Variants in SGMS1 observed in about 807,000 individuals in gnomAD.
The protein encoded by SGMS1 is phosphatidylcholine:ceramide cholinephosphotransferase 1.
SGMS1 carries 13 observed loss-of-function variants against 46.2 expected under a neutral mutation model. The ratio of observed to expected loss-of-function variants is 0.28; its 90% confidence interval spans 0.18 to 0.45. The LOEUF is 0.45. Among genes scored for constraint, SGMS1 ranks in the 20% least tolerant of loss-of-function variants. The probability of loss-of-function intolerance (pLI) is 1.00; values close to 1 mark genes in which losing one functional copy is unlikely to be tolerated. For missense variants in SGMS1, 324 were observed against 519.9 expected (o/e 0.62, Z 3.66); for synonymous variants, 203 against 187.8 (o/e 1.08, Z -0.66).
At chr10:50,469,539 C>A (rs1837360359) in intron 3 of SGMS1, among the ~76,000 whole-genome samples, 1 of 152,114 alleles carries the variant, frequency 6.6e-6, no homozygotes, top group South Asian at 2.1e-4. Flanking sequence ...GCATGCCATA[C>A]ACAGCAAATC....
chr10:50,432,822 A>G (rs895103580), intron 6 of SGMS1, among the ~76,000 whole-genome samples: 1 of 152,212 alleles, frequency 6.6e-6, no homozygotes, highest in African/African-American at 2.4e-5. Flanking sequence ...AGTAACTACT[A>G]AAAAGCACAA....
chr10:50,569,423 A>C (rs1198225955), intron 2 of SGMS1, among the ~76,000 whole-genome samples: 1 of 152,120 alleles, frequency 6.6e-6, no homozygotes, highest in African/African-American at 2.4e-5. Flanking sequence ...AGTTGGTAGA[A>C]AGTTCTTTCT....
chr10:50,405,568 A>G (rs1471450658), intron 6 of SGMS1, among the ~76,000 whole-genome samples: 1 of 152,218 alleles, frequency 6.6e-6, no homozygotes, highest in African/African-American at 2.4e-5. Context: ...AAATCTTTGA[A>G]AAGCTCTTCT....
chr10:50,527,743 C>T (rs1837916904), intron 2 of SGMS1, among the ~76,000 whole-genome samples: 1 of 152,264 alleles, frequency 6.6e-6, no homozygotes, highest in Admixed American at 6.5e-5. Flanking sequence ...CCGTAGCAAC[C>T]CAGACTGAAA....
chr10:50,530,411 G>C (rs1443834322), intron 2 of SGMS1, among the ~76,000 whole-genome samples: 1 of 152,168 alleles, frequency 6.6e-6, no homozygotes, highest in Non-Finnish European at 1.5e-5. Flanking sequence ...GACAGAAAGG[G>C]AAATGGGCAA....
At chr10:50,352,838 A>C (rs1407613043) in intron 6 of SGMS1, among the ~76,000 whole-genome samples, 4 of 152,370 alleles carry the variant, frequency 2.6e-5, no homozygotes, top group African/African-American at 9.6e-5. Flanking sequence ...GAAAATCTAG[A>C]AGAAATGAAT....
At chr10:50,426,557 A>G (rs1196276806) in intron 6 of SGMS1, among the ~76,000 whole-genome samples, 3 of 152,234 alleles carry the variant, frequency 2.0e-5, no homozygotes, top group Non-Finnish European at 4.4e-5. Context: ...GCTGACAACC[A>G]TTTCTTTCTG....
At chr10:50,465,475 C>T (rs1366415317) in intron 4 of SGMS1, among the ~76,000 whole-genome samples, 2 of 151,932 alleles carry the variant, frequency 1.3e-5, no homozygotes, top group Non-Finnish European at 2.9e-5. Flanking sequence ...AAACAGGATC[C>T]TAATTTTAAA....
At chr10:50,395,300 A>G (rs1381289623) in intron 6 of SGMS1, among the ~76,000 whole-genome samples, 1 of 152,228 alleles carries the variant, frequency 6.6e-6, no homozygotes, top group Non-Finnish European at 1.5e-5. Context: ...CCTTCAAGCT[A>G]TTAAGGAGCA....
At position 50,363,851 on chromosome 10, in the gene SGMS1, G is replaced by GA. The variant is rs549690102; in HGVS notation, c.-231-19507dup. ...TTTATTTGTGCCTACTTTAAAATAT[G>GA]AAAAAAAATCACCAGGTATCTGAAG... is the stretch of plus-strand genomic sequence containing the variant. On this transcript the variant is annotated intron_variant, in intron 6 of 10. Transcript: ENST00000361781. Among the ~76,000 whole-genome samples, 498 of 151,436 alleles carry GA rather than the reference G, an allele frequency of 3.3e-3. 4 individuals are homozygous for GA. The highest frequency in any genetic ancestry group is 6.0e-3 in the Non-Finnish European group (407 of 67,832).
At chr10:50,437,595 A>G (rs1849491587) in intron 5 of SGMS1, among the ~76,000 whole-genome samples, 1 of 152,202 alleles carries the variant, frequency 6.6e-6, no homozygotes, top group South Asian at 2.1e-4. Context: ...AAAAAGCAAG[A>G]AACAGCACCC....
chr10:50,327,707 T>G (rs1285633442), intron 7 of SGMS1, among the ~76,000 whole-genome samples: 1 of 152,230 alleles, frequency 6.6e-6, no homozygotes, highest in Non-Finnish European at 1.5e-5. Context: ...AAGGAAGATC[T>G]TCAGAAAATC....
intron 2 of SGMS1, among the ~76,000 whole-genome samples, chr10:50,549,026 C>A (rs559461516): frequency 1.3e-5 from 2 of 152,160 alleles, no homozygotes; most frequent in African/African-American, 4.8e-5. Flanking sequence ...ATGACTGTTA[C>A]TAAAAAGTCA....
At chr10:50,424,146 A>T (rs575065252) in intron 6 of SGMS1, among the ~76,000 whole-genome samples, 2 of 152,338 alleles carry the variant, frequency 1.3e-5, no homozygotes, top group South Asian at 2.1e-4. Flanking sequence ...AAGAGCAGCT[A>T]GATAGGGGTG....
chr10:50,600,102 G>C (rs1009035014), intron 1 of SGMS1, among the ~76,000 whole-genome samples: 1 of 152,104 alleles, frequency 6.6e-6, no homozygotes, highest in African/African-American at 2.4e-5. Context: ...CAGAACCAGA[G>C]GATTGGGGAA....
intron 6 of SGMS1, among the ~76,000 whole-genome samples, chr10:50,348,454 C>T (rs1275429175): frequency 2.6e-5 from 4 of 152,218 alleles, no homozygotes; most frequent in African/African-American, 7.2e-5. Context: ...GGCTGATAAG[C>T]AACTTCAGCA....
intron 3 of SGMS1, among the ~76,000 whole-genome samples, chr10:50,498,274 C>G (rs553452896): frequency 6.6e-6 from 1 of 152,318 alleles, no homozygotes; most frequent in South Asian, 2.1e-4. Flanking sequence ...CACAACCAAT[C>G]ACTTCAATCC....
chr10:50,538,974 C>G (rs186231666), intron 2 of SGMS1, among the ~76,000 whole-genome samples: 77 of 152,350 alleles, frequency 5.1e-4, no homozygotes, highest in African/African-American at 1.7e-3. Context: ...AAGGAAACCA[C>G]CGAACTCGGT....
At chr10:50,512,267 T>C (rs1397180844) in intron 3 of SGMS1, among the ~76,000 whole-genome samples, 1 of 151,832 alleles carries the variant, frequency 6.6e-6, no homozygotes, top group Non-Finnish European at 1.5e-5. Context: ...CCATACATGA[T>C]AGCACTCAGA....
Sources: gnomAD v4.1 joint callset for allele counts (sites outside exome capture counted in the v4.1 genomes callset) on GRCh38, gnomAD v4.1.1 for gene constraint, MANE v1.5 for transcripts, NCBI Gene and HGNC (gene_info 2026-07-23, HGNC 2026-07-21) for gene names.